PRKN: variants seen among roughly 807,000 people sequenced by gnomAD.
PRKN encodes the protein parkin RBR E3 ubiquitin protein ligase.
In PRKN, 56 loss-of-function variants were observed where a neutral mutation model predicts 59.5. The observed-to-expected ratio is 0.94, with a 90% CI of 0.76 to 1.18. PRKN has a LOEUF of 1.18. Among genes scored for constraint, PRKN ranks in the 50% most tolerant of loss-of-function variants. The probability of loss-of-function intolerance (pLI) is 0.00; values close to 1 mark genes in which losing one functional copy is unlikely to be tolerated. For missense variants in PRKN, 657 were observed against 596.4 expected (o/e 1.10, Z -1.06); for synonymous variants, 250 against 222.1 (o/e 1.13, Z -1.12).
intron 6 of PRKN, among the ~76,000 whole-genome samples, chr6:161,847,973 C>T (rs1485361442): frequency 6.6e-6 from 1 of 152,170 alleles, no homozygotes; most frequent in Admixed American, 6.5e-5. Flanking sequence ...GGTAGTGGAG[C>T]TCTCAGTGAC....
chr6:161,532,698 G>T (rs1366265737), intron 9 of PRKN, among the ~76,000 whole-genome samples: 1 of 152,162 alleles, frequency 6.6e-6, no homozygotes, highest in Non-Finnish European at 1.5e-5. Flanking sequence ...CGCCCACGTG[G>T]TAATATGGCT....
At chr6:162,372,036 C>T (rs1785794348) in intron 2 of PRKN, among the ~76,000 whole-genome samples, 1 of 152,210 alleles carries the variant, frequency 6.6e-6, no homozygotes, top group African/African-American at 2.4e-5. Context: ...GCCCTCTGTC[C>T]AGCCTCCTGG....
intron 6 of PRKN, among the ~76,000 whole-genome samples, chr6:161,827,377 C>A (rs1363957828): frequency 6.6e-6 from 1 of 152,098 alleles, no homozygotes. Context: ...AGAATCTGAG[C>A]AAATTATCAC....
At chr6:162,357,715 A>G (rs1296421273) in intron 2 of PRKN, among the ~76,000 whole-genome samples, 3 of 152,326 alleles carry the variant, frequency 2.0e-5, no homozygotes, top group Admixed American at 2.0e-4. Context: ...TTATCCTTAC[A>G]ATAGAATATT....
rs191143564 is a variant in PRKN at position 162,289,526 on chromosome 6, G to A, written c.172-26761C>T. Among the ~76,000 whole-genome samples, 157 of 151,876 alleles carry A rather than the reference G, an allele frequency of 1.0e-3. 1 individual carries two copies. The highest frequency in any genetic ancestry group is 3.5e-3 in the African/African-American group (144 of 41,460). ...ACCATGGCCAACATGATGAAAACCC[G>A]TCTCTACTGAAAATACAAAAATTAG... On this transcript the variant is annotated intron_variant, in intron 2 of 11. Coordinates refer to ENST00000366898, the MANE Select transcript of PRKN (RefSeq NM_004562.3).
chr6:161,959,194 C>G (rs917272703), intron 6 of PRKN, among the ~76,000 whole-genome samples: 6 of 152,168 alleles, frequency 3.9e-5, no homozygotes, highest in Admixed American at 1.3e-4. Flanking sequence ...AGAAGTACCA[C>G]CCAGATCCCG....
intron 2 of PRKN, among the ~76,000 whole-genome samples, chr6:162,383,012 G>A (rs1786578204): frequency 6.6e-6 from 1 of 152,030 alleles, no homozygotes; most frequent in South Asian, 2.1e-4. Flanking sequence ...ACATCTTCAG[G>A]CTCCAATTTA....
intron 1 of PRKN, among the ~76,000 whole-genome samples, chr6:162,672,904 A>G (rs1238796744): frequency 6.6e-6 from 1 of 152,204 alleles, no homozygotes; most frequent in Non-Finnish European, 1.5e-5. Flanking sequence ...TGTCAAGGTA[A>G]CACAGTAACT....
chr6:162,107,927 T>C (rs923780281), intron 4 of PRKN, among the ~76,000 whole-genome samples: 7 of 152,106 alleles, frequency 4.6e-5, no homozygotes, highest in Non-Finnish European at 1.0e-4. Flanking sequence ...CCAAAATTTA[T>C]TTGCAAAAGA....
chr6:161,933,273 C>G (rs748115547), intron 6 of PRKN, among the ~76,000 whole-genome samples: 1 of 151,574 alleles, frequency 6.6e-6, no homozygotes, highest in African/African-American at 2.4e-5. Flanking sequence ...AGCGAGACTC[C>G]GTTTCAAAAC....
intron 1 of PRKN, among the ~76,000 whole-genome samples, chr6:162,590,645 T>A (rs540771480): frequency 6.6e-6 from 1 of 152,234 alleles, no homozygotes; most frequent in Admixed American, 6.5e-5. Context: ...GCTCTAGTCT[T>A]AATGAAGACT....
intron 4 of PRKN, among the ~76,000 whole-genome samples, chr6:162,076,553 G>A (rs1778835159): frequency 6.6e-6 from 1 of 151,950 alleles, no homozygotes; most frequent in Non-Finnish European, 1.5e-5. Context: ...ATTCAGGCCT[G>A]TTTCTTTATG....
At chr6:162,192,648 A>G (rs1784332564) in intron 4 of PRKN, among the ~76,000 whole-genome samples, 1 of 151,526 alleles carries the variant, frequency 6.6e-6, no homozygotes, top group South Asian at 2.1e-4. Flanking sequence ...TTGTAGAAGC[A>G]GGTTCTCACT....
At chr6:161,922,098 G>A (rs1231866763) in intron 6 of PRKN, among the ~76,000 whole-genome samples, 2 of 151,992 alleles carry the variant, frequency 1.3e-5, no homozygotes, top group East Asian at 3.9e-4. Context: ...ATACAATAAG[G>A]CAAGTAATAC....
intron 2 of PRKN, among the ~76,000 whole-genome samples, chr6:162,428,662 C>A (rs1789360175): frequency 6.6e-6 from 1 of 152,158 alleles, no homozygotes. Flanking sequence ...ACAATGCGTA[C>A]ATCTGCTAGT....
intron 1 of PRKN, among the ~76,000 whole-genome samples, chr6:162,719,918 A>C (rs1261282837): frequency 2.9e-5 from 4 of 137,754 alleles, no homozygotes; most frequent in African/African-American, 8.1e-5. Context: ...AAAAAAAAAA[A>C]ACTAAAGGTT....
rs572709195 is a variant in PRKN, at chr6:162,418,921, C to A, written c.171+24389G>T. ...AGGGTGTGGGGCACCAGGACAAGGA[C>A]CCACCCTGTACCCAGTCCCACCCCC... is the stretch of plus-strand genomic sequence containing the variant. On this transcript the variant is annotated intron_variant, in intron 2 of 11. Transcript: ENST00000366898. Among the ~76,000 whole-genome samples, 216 of 151,870 alleles carry A rather than the reference C, an allele frequency of 1.4e-3. 1 individual carries two copies. Among genetic ancestry groups the A allele is most frequent in the African/African-American group, 5.1e-3 (211 of 41,434 alleles).
At chr6:162,723,791 T>C (rs1779024936) in intron 1 of PRKN, among the ~76,000 whole-genome samples, 2 of 152,218 alleles carry the variant, frequency 1.3e-5, no homozygotes, top group African/African-American at 4.8e-5. Flanking sequence ...GTAAACCTAA[T>C]GAGTGCTTAT....
At chr6:161,383,263 A>C (rs1304990441) in intron 10 of PRKN, among the ~76,000 whole-genome samples, 2 of 152,232 alleles carry the variant, frequency 1.3e-5, no homozygotes, top group African/African-American at 2.4e-5. Flanking sequence ...ATCAAATCGA[A>C]TTGGGTCATG....
Sources: gnomAD v4.1 joint callset for allele counts (sites outside exome capture counted in the v4.1 genomes callset) on GRCh38, gnomAD v4.1.1 for gene constraint, MANE v1.5 for transcripts, NCBI Gene and HGNC (gene_info 2026-07-23, HGNC 2026-07-21) for gene names.